DCLK2: variants seen among roughly 807,000 people sequenced by gnomAD.
DCLK2 encodes the protein serine/threonine-protein kinase DCLK2.
DCLK2 carries 31 observed loss-of-function variants against 78.4 expected under a neutral mutation model. That is an observed-to-expected ratio of 0.40 (90% confidence interval 0.30 to 0.53). DCLK2 has a LOEUF of 0.53. DCLK2 is among the 20% of genes least tolerant of loss of function. The probability of loss-of-function intolerance (pLI) is 0.61; values close to 1 mark genes in which losing one functional copy is unlikely to be tolerated. For synonymous variants in DCLK2, 407 were observed against 374.9 expected (o/e 1.09, Z -0.99); for missense variants, 872 against 973.7 (o/e 0.90, Z 1.39).
At position 150,138,178 on chromosome 4, in the gene DCLK2, G is replaced by A. The variant is rs1160620015; in HGVS notation, c.756+35366G>A. ...CATAAACCAGCAATAAATAGGAATA[G>A]TTTTGCTAAGAACATAGAAAGTAAG... On this transcript the variant is annotated intron_variant, in intron 2 of 15. Transcript: ENST00000296550. Among the ~76,000 whole-genome samples, 4 of 152,202 alleles carry A rather than the reference G, an allele frequency of 2.6e-5. No individual in the cohort carries two copies. The South Asian group carries it at 8.3e-4, about 32-fold the overall frequency.
Position 150,220,703 on chromosome 4 carries a change from C to G in DCLK2, c.1057C>G (p.Gln353Glu). The change falls in exon 6 of 16, where the codon CAG (glutamine) becomes GAG (glutamate). Residue 353 changes from glutamine to glutamate, a missense_variant and splice_region_variant. By Grantham distance (29) the Gln-to-Glu change is conservative (BLOSUM62 2). Coordinates refer to ENST00000296550, the MANE Select transcript of DCLK2 (RefSeq NM_001040260.4). ...TSPGSFRGLK[Q>E]ISAHGRSSSN... ...AATAATGGTCATTCTCCTCTTTCAG[C>G]AGATTTCTGCTCATGGCAGATCTTC... 6.2e-7 allele frequency: 1 copy of G among 1,612,418 alleles called. No homozygotes were observed. The highest frequency in any genetic ancestry group is 2.2e-5 in the East Asian group (1 of 44,852).
intron 2 of DCLK2, among the ~76,000 whole-genome samples, chr4:150,170,240 C>T (rs1015012564): frequency 1.3e-5 from 2 of 152,102 alleles, no homozygotes; most frequent in Non-Finnish European, 2.9e-5. Context: ...GACATGGTTT[C>T]ACCATGTTGG....
intron 2 of DCLK2, among the ~76,000 whole-genome samples, chr4:150,175,178 A>AATTTATATATATT (rs1736961787): frequency 7.7e-6 from 1 of 129,202 alleles, no homozygotes; most frequent in African/African-American, 3.1e-5. Flanking sequence ...ATATATTTAT[A>AATTTATATATATT]TATATTTATA....
chr4:150,079,076 A>G lies in DCLK2; in HGVS notation c.49A>G (p.Lys17Glu). ...IELEHFEERD[K>E]RPRPGSRRGA... ...GCTGGAGCACTTTGAGGAACGGGAC[A>G]AAAGGCCGCGGCCGGGGTCGCGGAG... is the stretch of plus-strand genomic sequence containing the variant. Residue 17 changes from lysine (K) to glutamate (E), a missense_variant, in exon 1 of 16, where the codon AAA becomes GAA. Coordinates refer to ENST00000296550, the MANE Select transcript of DCLK2 (RefSeq NM_001040260.4). 1.3e-6 allele frequency: 2 copies of G among 1,564,132 alleles called. No homozygotes were observed. Among genetic ancestry groups the G allele is most frequent in the South Asian group, 1.2e-5 (1 of 81,648 alleles).
intron 2 of DCLK2, among the ~76,000 whole-genome samples, chr4:150,113,584 G>T (rs955915564): frequency 1.3e-5 from 2 of 151,758 alleles, no homozygotes; most frequent in African/African-American, 4.8e-5. Context: ...TTTTTGTTGT[G>T]TCCGTTGTAA....
intron 2 of DCLK2, among the ~76,000 whole-genome samples, chr4:150,116,425 C>A (rs1580531696): frequency 6.6e-6 from 1 of 152,308 alleles, no homozygotes; most frequent in East Asian, 1.9e-4. Flanking sequence ...GCGGAAAGTT[C>A]AGGGACTCAA....
chr4:150,138,553 T>A (rs1444574149), intron 2 of DCLK2, among the ~76,000 whole-genome samples: 4 of 152,156 alleles, frequency 2.6e-5, no homozygotes, highest in Non-Finnish European at 5.9e-5. Flanking sequence ...GCAAAAAAAA[T>A]ATTTTTTGAC....
chr4:150,157,180 T>TG (rs1322371102), intron 2 of DCLK2, among the ~76,000 whole-genome samples: 3,137 of 146,760 alleles, frequency 0.021, 92 homozygotes, highest in African/African-American at 0.074. Context: ...TTTTTTTTTT[T>TG]TTGTTACTGT....
At position 150,198,003 on chromosome 4, in the gene DCLK2, A is replaced by G; in HGVS notation, c.861A>G (p.Glu287=). The G allele has an allele frequency of 1.2e-6, 2 of 1,608,366 alleles. No homozygotes were observed. The highest frequency in any genetic ancestry group is 1.7e-6 in the Non-Finnish European group (2 of 1,178,684). The change falls in exon 4 of 16, where the codon GAA becomes GAG. Residue 287 remains glutamate, a splice_region_variant and synonymous_variant. Coordinates refer to ENST00000296550, the MANE Select transcript of DCLK2 (RefSeq NM_001040260.4). ...TAATGCACTTTTGTTCTTTTCTAGA[A>G]TGTCGTGTCCTGAAGTCATCTTATT... ...AQDDFVLDHS[E]CRVLKSSYSR... is the part of the protein sequence containing the mutation.
chr4:150,197,708 C>T (rs140772626), intron 3 of DCLK2, among the ~76,000 whole-genome samples: 1,858 of 151,582 alleles, frequency 0.012, 41 homozygotes, highest in African/African-American at 0.043. Flanking sequence ...TGAGCAGAAT[C>T]GCTTGAACCT....
At chr4:150,175,263 T>G (rs1560835817) in intron 2 of DCLK2, among the ~76,000 whole-genome samples, 1 of 145,456 alleles carries the variant, frequency 6.9e-6, no homozygotes, top group East Asian at 2.0e-4. Context: ...AGCAAATTCC[T>G]GTGTTGGTGG....
chr4:150,203,748 T>G, intron 4 of DCLK2, 47 bp from the exon 5 acceptor site: 2 of 1,475,808 alleles, frequency 1.4e-6, no homozygotes, highest in Non-Finnish European at 1.9e-6. Context: ...GTCTGGTTGT[T>G]GTGGGTTTTA....
At chr4:150,194,453 G>GA (rs890156734) in intron 3 of DCLK2, among the ~76,000 whole-genome samples, 22 of 152,208 alleles carry the variant, frequency 1.4e-4, no homozygotes, top group African/African-American at 4.8e-4. Flanking sequence ...TTGGTGAGAT[G>GA]AAAAAATCCC....
At chr4:150,145,391 A>G (rs941800375) in intron 2 of DCLK2, among the ~76,000 whole-genome samples, 1 of 152,208 alleles carries the variant, frequency 6.6e-6, no homozygotes, top group African/African-American at 2.4e-5. Flanking sequence ...CATGTAAAAG[A>G]TGATGATAAT....
chr4:150,166,690 T>A (rs1461343596), intron 2 of DCLK2, among the ~76,000 whole-genome samples: 1 of 152,202 alleles, frequency 6.6e-6, no homozygotes. Context: ...TGTTAATGCA[T>A]AATTTATCTG....
chr4:150,219,358 TC>T (rs2126522794), intron 5 of DCLK2, among the ~76,000 whole-genome samples: 1 of 134,308 alleles, frequency 7.4e-6, no homozygotes, highest in East Asian at 2.6e-4. Flanking sequence ...AACCTCCACC[TC>T]CCAGTTCAAG....
At chr4:150,249,097 C>T (rs978445303) in intron 14 of DCLK2, among the ~76,000 whole-genome samples, 1 of 152,142 alleles carries the variant, frequency 6.6e-6, no homozygotes, top group Non-Finnish European at 1.5e-5. Context: ...GCTTGCTGCT[C>T]TCTTGGGCTA....
intron 13 of DCLK2, 149 bp downstream of exon 13, chr4:150,247,848 G>A (rs17631971): frequency 0.11 from 67,790 of 642,838 alleles, 5,511 homozygotes; most frequent in South Asian, 0.29. Flanking sequence ...CCATGGTATG[G>A]TCTCTGAAGT....
chr4:150,217,426 A>T (rs1740803790), intron 5 of DCLK2, among the ~76,000 whole-genome samples: 4 of 152,308 alleles, frequency 2.6e-5, no homozygotes. Flanking sequence ...AATGAACTGA[A>T]TCACTAGCTG....
Sources: allele counts gnomAD v4.1 joint callset (sites outside exome capture counted in the v4.1 genomes callset), GRCh38; gene constraint gnomAD v4.1.1; transcripts MANE v1.5; gene names NCBI Gene and HGNC (gene_info 2026-07-23, HGNC 2026-07-21).